MFSD11: variants seen among roughly 807,000 people sequenced by gnomAD.
MFSD11 encodes the protein UNC93-like protein MFSD11.
MFSD11 carries 36 observed loss-of-function variants against 53.5 expected under a neutral mutation model. The ratio of observed to expected loss-of-function variants is 0.67; its 90% CI spans 0.52 to 0.89. The LOEUF (loss-of-function observed/expected upper bound fraction) is 0.89, where lower values mean the gene tolerates loss of function less well. Ranked by LOEUF, MFSD11 falls within the 40% of genes least tolerant of loss-of-function variation. The pLI is 0.00. For missense variants in MFSD11, 530 were observed against 543.9 expected (o/e 0.97, Z 0.25); for synonymous variants, 186 against 184.9 (o/e 1.01, Z -0.05).
At chr17:76,738,524 A>G in intron 1 of MFSD11, 76 bp downstream of exon 1, 2 of 1,020,596 alleles carry the variant, frequency 2.0e-6, no homozygotes, top group Non-Finnish European at 3.0e-6. Context: ...AACGTTCATT[A>G]TATCTAATAG....
chr17:76,777,441 G>A (rs1348076319), intron 12 of MFSD11, among the ~76,000 whole-genome samples: 1 of 152,154 alleles, frequency 6.6e-6, no homozygotes, highest in Non-Finnish European at 1.5e-5. Flanking sequence ...TGCCATTTTG[G>A]CCAGGCTGGT....
chr17:76,738,888 G>C (rs1477762443), intron 1 of MFSD11, 50 bp from the exon 2 acceptor site: 2 of 1,460,376 alleles, frequency 1.4e-6, no homozygotes, highest in East Asian at 4.5e-5. Context: ...CCCAAGGGTG[G>C]GAGGGAGACT....
intron 2 of MFSD11, 40 bp from the exon 3 acceptor site, chr17:76,740,917 C>CTTTTTT: frequency 1.1e-6 from 1 of 900,310 alleles, no homozygotes; most frequent in Non-Finnish European, 1.7e-6. Flanking sequence ...GGGCTTTGTT[C>CTTTTTT]TTTTTTTTTT....
At chr17:76,740,568 T>A in intron 2 of MFSD11, among the ~76,000 whole-genome samples, 1 of 152,310 alleles carries the variant, frequency 6.6e-6, no homozygotes, top group South Asian at 2.1e-4. Flanking sequence ...GCTGGACTTT[T>A]GGCAAATTAC....
At chr17:76,770,013 A>G (rs896972569) in intron 10 of MFSD11, 142 bp downstream of exon 10, 5 of 646,192 alleles carry the variant, frequency 7.7e-6, no homozygotes, top group Non-Finnish European at 9.9e-6. Flanking sequence ...TTATTTTTCT[A>G]TTATTGCTAT....
At chr17:76,777,224 C>T (rs1410178869) in intron 12 of MFSD11, among the ~76,000 whole-genome samples, 7 of 150,628 alleles carry the variant, frequency 4.6e-5, no homozygotes, top group Non-Finnish European at 7.4e-5. Flanking sequence ...GCCCAGACCG[C>T]GCCACTGCAC....
chr17:76,744,565 C>G, intron 7 of MFSD11, 99 bp downstream of exon 7: 1 of 1,051,486 alleles, frequency 9.5e-7, no homozygotes, highest in Non-Finnish European at 1.3e-6. Flanking sequence ...ATGTCCAGTA[C>G]TCTCTGTAGG....
intron 8 of MFSD11, among the ~76,000 whole-genome samples, chr17:76,760,230 G>A (rs995283991): frequency 1.3e-5 from 2 of 150,640 alleles, no homozygotes; most frequent in Non-Finnish European, 2.9e-5. Context: ...GTTGCAGTGA[G>A]CCATGCCACT....
At chr17:76,744,268 T>A (rs967593174) in intron 6 of MFSD11, 54 bp from the exon 7 acceptor site, 6 of 1,544,550 alleles carry the variant, frequency 3.9e-6, no homozygotes, top group Admixed American at 4.1e-5. Flanking sequence ...ACCGTGATAC[T>A]AATTCTGGAA....
chr17:76,755,167 ATAT>A (rs2079440706), intron 8 of MFSD11, among the ~76,000 whole-genome samples: 1 of 151,924 alleles, frequency 6.6e-6, no homozygotes. Flanking sequence ...CACTGAGCTG[ATAT>A]CACGCCACTG....
downstream of MFSD11, among the ~76,000 whole-genome samples, chr17:76,780,255 C>T (rs1009583770): frequency 6.6e-6 from 1 of 152,128 alleles, no homozygotes; most frequent in Non-Finnish European, 1.5e-5. Flanking sequence ...ATGGCAACCA[C>T]GAATCTACTT....
At chr17:76,754,357 A>G (rs1325248792) in intron 8 of MFSD11, among the ~76,000 whole-genome samples, 1 of 152,140 alleles carries the variant, frequency 6.6e-6, no homozygotes, top group Non-Finnish European at 1.5e-5. Context: ...CCTGAAGTTG[A>G]GAGTCTTCCT....
At chr17:76,796,470 C>G in the MFSD11 span, among the ~76,000 whole-genome samples, 1 of 152,158 alleles carries the variant, frequency 6.6e-6, no homozygotes, top group African/African-American at 2.4e-5. Context: ...CTGATGACTT[C>G]CAACACCAAA....
chr17:76,774,461 T>A (rs779491426), intron 10 of MFSD11, among the ~76,000 whole-genome samples: 1 of 152,134 alleles, frequency 6.6e-6, no homozygotes, highest in South Asian at 2.1e-4. Context: ...ATTATAAAGG[T>A]CTTCTTCCTT....
chr17:76,784,199 T>A (rs1259732027), downstream of MFSD11, among the ~76,000 whole-genome samples: 1 of 152,170 alleles, frequency 6.6e-6, no homozygotes, highest in Non-Finnish European at 1.5e-5. Flanking sequence ...TTATTCACAA[T>A]AGCCAAAAAG....
intron 1 of MFSD11, 140 bp downstream of exon 1, chr17:76,738,588 G>T: frequency 1.5e-6 from 1 of 649,258 alleles, no homozygotes; most frequent in South Asian, 2.0e-5. Flanking sequence ...CATTTTTTAT[G>T]ATTAGGTTTG....
At chr17:76,787,384 A>G in the MFSD11 span, among the ~76,000 whole-genome samples, 9,311 of 149,596 alleles carry the variant, frequency 0.062, 1,271 homozygotes, top group African/African-American at 0.21. Flanking sequence ...TGATCCACCC[A>G]CCTTGGCCTC....
intron 6 of MFSD11, 145 bp from the exon 7 acceptor site, chr17:76,744,177 C>T (rs2078342857): frequency 1.5e-6 from 1 of 673,454 alleles, no homozygotes; most frequent in Non-Finnish European, 2.3e-6. Context: ...TCCTATTTGT[C>T]TCCTTTTCCT....
Position 76,776,259 on chromosome 17 carries a change from G to A in MFSD11, c.1050-147G>A. 1.3e-6 allele frequency: 1 copy of A among 775,312 alleles called. No homozygotes were observed. Among genetic ancestry groups the A allele is most frequent in the Admixed American group, 3.1e-5 (1 of 32,148 alleles). 48.0% of individuals were successfully genotyped at this position (775,312 alleles called of 1,614,324 possible). On this transcript the variant is annotated intron_variant, in intron 11 of 12. Transcript: ENST00000685175. This position sits in a 1 kb window ranked among gnomAD's most constrained non-coding sequence, Gnocchi z 4.2. ...CTCCCAAAGTGCTGGGATTCCAGGTGTGAGCCACCGCACCAGCTTTGTCTT... is the reference window on the plus strand; with the variant it reads ...CTCCCAAAGTGCTGGGATTCCAGGTATGAGCCACCGCACCAGCTTTGTCTT...
Sources: gnomAD v4.1 joint callset for allele counts (sites outside exome capture counted in the v4.1 genomes callset) on GRCh38, gnomAD v4.1.1 for gene constraint, Gnocchi (gnomAD v3.1) non-coding constraint, MANE v1.5 for transcripts, NCBI Gene and HGNC (gene_info 2026-07-23, HGNC 2026-07-21) for gene names.